Variants in ADAM18 observed in about 807,000 individuals in gnomAD.
ADAM18 encodes disintegrin and metalloproteinase domain-containing protein 18.
Under a neutral mutation model 94.4 loss-of-function variants are expected in ADAM18, and 117 were observed. The observed-to-expected ratio is 1.24, with a 90% CI of 1.07 to 1.45. The LOEUF (loss-of-function observed/expected upper bound fraction) is 1.45. Among genes scored for constraint, ADAM18 ranks in the 40% most tolerant of loss-of-function variants. The pLI is 0.00. For missense variants in ADAM18, 936 were observed against 880.0 expected, an observed-to-expected ratio of 1.06 and a Z score of -0.81; for synonymous variants, 327 against 291.6, an observed-to-expected ratio of 1.12 and a Z score of -1.24.
At chr8:39,689,060 T>C (rs142378129) in intron 16 of ADAM18, among the ~76,000 whole-genome samples, 11 of 152,314 alleles carry the variant, frequency 7.2e-5, no homozygotes, top group African/African-American at 1.9e-4. Context: ...AATGGCTTTT[T>C]TTTTCTTGTA....
intron 19 of ADAM18, among the ~76,000 whole-genome samples, chr8:39,726,324 C>T (rs1586020857): frequency 6.6e-6 from 1 of 151,346 alleles, no homozygotes; most frequent in East Asian, 1.9e-4. Context: ...GACAGTGTCT[C>T]CGTATGTTGC....
intron 6 of ADAM18, among the ~76,000 whole-genome samples, chr8:39,618,979 C>T (rs917415217): frequency 3.3e-5 from 5 of 152,026 alleles, no homozygotes; most frequent in East Asian, 1.9e-4. Context: ...CATCTTTTAT[C>T]GAGCAATAGT....
intron 17 of ADAM18, among the ~76,000 whole-genome samples, chr8:39,701,801 C>T (rs767848205): frequency 5.9e-5 from 9 of 152,082 alleles, no homozygotes; most frequent in Non-Finnish European, 7.4e-5. Context: ...CATCCATGTC[C>T]CAGCAAAGGA....
At chr8:39,698,445 G>A (rs1821983315) in intron 17 of ADAM18, among the ~76,000 whole-genome samples, 2 of 151,724 alleles carry the variant, frequency 1.3e-5, no homozygotes, top group Non-Finnish European at 1.5e-5. Flanking sequence ...GTTAATTTAT[G>A]TATTATCTTT....
chr8:39,672,301 G>C (rs1320500856), intron 14 of ADAM18, among the ~76,000 whole-genome samples: 2 of 152,188 alleles, frequency 1.3e-5, no homozygotes, highest in Admixed American at 1.3e-4. Flanking sequence ...CTGCAGGTCA[G>C]AGTGGGAATG....
intron 2 of ADAM18, among the ~76,000 whole-genome samples, chr8:39,585,959 T>C (rs186707812): frequency 2.6e-5 from 4 of 152,266 alleles, no homozygotes; most frequent in African/African-American, 9.6e-5. Flanking sequence ...ACACCTGAAA[T>C]TGACAGATTT....
intron 6 of ADAM18, among the ~76,000 whole-genome samples, chr8:39,614,781 T>A (rs1563275960): frequency 6.6e-6 from 1 of 152,032 alleles, no homozygotes; most frequent in Non-Finnish European, 1.5e-5. Flanking sequence ...CCAAGCAAAC[T>A]GAAAACACAA....
At chr8:39,651,681 A>G (rs1384057089) in intron 12 of ADAM18, among the ~76,000 whole-genome samples, 2 of 152,312 alleles carry the variant, frequency 1.3e-5, no homozygotes, top group East Asian at 3.9e-4. Context: ...TTTTCTTAGT[A>G]CAGAACAAAA....
chr8:39,606,870 A>G (rs981599174), intron 3 of ADAM18, among the ~76,000 whole-genome samples: 5 of 152,106 alleles, frequency 3.3e-5, no homozygotes, highest in Non-Finnish European at 5.9e-5. Context: ...TCTGGCGGGC[A>G]GGGGCGGGGA....
intron 17 of ADAM18, among the ~76,000 whole-genome samples, chr8:39,703,602 G>A (rs1465022423): frequency 6.6e-6 from 1 of 152,066 alleles, no homozygotes; most frequent in African/African-American, 2.4e-5. Flanking sequence ...CGTTGATTAT[G>A]ATGTTAGCGG....
At chr8:39,597,209 C>G (rs750439008) in intron 2 of ADAM18, among the ~76,000 whole-genome samples, 1 of 151,914 alleles carries the variant, frequency 6.6e-6, no homozygotes, top group African/African-American at 2.4e-5. Context: ...CAAATATTTT[C>G]TTTTAATCTG....
intron 16 of ADAM18, among the ~76,000 whole-genome samples, chr8:39,686,151 C>T (rs940661856): frequency 2.0e-5 from 3 of 152,132 alleles, no homozygotes; most frequent in Non-Finnish European, 2.9e-5. Flanking sequence ...ACTTCCAAAC[C>T]TTTTTCAGCC....
chr8:39,584,706 C>T (rs1249749129), intron 1 of ADAM18, 29 bp downstream of exon 1: 2 of 1,609,248 alleles, frequency 1.2e-6, no homozygotes, highest in Non-Finnish European at 8.5e-7. Flanking sequence ...CCCCTTTCTT[C>T]TTCGACTTTA....
chr8:39,667,635 A>AG (rs1821026667), intron 13 of ADAM18, among the ~76,000 whole-genome samples: 1 of 152,148 alleles, frequency 6.6e-6, no homozygotes. Context: ...GAAACCAGGA[A>AG]GTCTGGCTCC....
At chr8:39,670,393 A>G (rs1821121806) in intron 14 of ADAM18, among the ~76,000 whole-genome samples, 1 of 152,048 alleles carries the variant, frequency 6.6e-6, no homozygotes, top group Non-Finnish European at 1.5e-5. Flanking sequence ...TGATTCATTT[A>G]CTTAGCTTTT....
chr8:39,625,275 A>G (rs1819729175), intron 6 of ADAM18, among the ~76,000 whole-genome samples: 1 of 151,766 alleles, frequency 6.6e-6, no homozygotes. Context: ...ATTCTTAATT[A>G]TTTTATTTTA....
chr8:39,648,605 A>G, intron 12 of ADAM18, 78 bp downstream of exon 12: 2 of 1,254,476 alleles, frequency 1.6e-6, no homozygotes, highest in Non-Finnish European at 2.2e-6. Flanking sequence ...CATGGTATAT[A>G]TAAATGATAT....
rs1164771841 is a variant in ADAM18, at chr8:39,722,190, C to CGT, written c.2018-1531_2018-1530dup. 3.4e-3 allele frequency among the ~76,000 whole-genome samples: 343 copies of CGT among 100,890 alleles called. 2 individuals are homozygous for CGT. Among genetic ancestry groups the CGT allele is most frequent in the African/African-American group, 5.5e-3 (112 of 20,548 alleles). 66.2% of individuals were successfully genotyped at this position (100,890 alleles called of 152,430 possible). ...TGTCTGCCTACTTTGTTGGTTATAC[C>CGT]GTGTGTGTGTGTGTGTGTGTGTGTG... On this transcript the variant is annotated intron_variant, in intron 18 of 19. Transcript: ENST00000265707.
intron 10 of ADAM18, among the ~76,000 whole-genome samples, chr8:39,639,354 A>G (rs1295469121): frequency 6.6e-6 from 1 of 151,984 alleles, no homozygotes; most frequent in African/African-American, 2.4e-5. Flanking sequence ...AGCAGAACAC[A>G]GTGTGTATTC....
Sources: allele counts gnomAD v4.1 joint callset (sites outside exome capture counted in the v4.1 genomes callset), GRCh38; gene constraint gnomAD v4.1.1; transcripts MANE v1.5; gene names NCBI Gene and HGNC (gene_info 2026-07-23, HGNC 2026-07-21).